The following ARHGEF39 variants were observed in gnomAD, a reference collection of about 807,000 sequenced individuals.
ARHGEF39 encodes the protein Rho guanine nucleotide exchange factor (GEF) 39.
Under a neutral mutation model 47.5 loss-of-function variants are expected in ARHGEF39, and 45 were observed. That is an observed-to-expected ratio of 0.95 (90% confidence interval 0.75 to 1.22). ARHGEF39 has a LOEUF of 1.22. Ranked by LOEUF, ARHGEF39 falls within the 50% of genes most tolerant of loss-of-function variation. The pLI is 0.00. For missense variants in ARHGEF39, 411 were observed against 425.3 expected (o/e 0.97, Z 0.30); for synonymous variants, 164 against 167.8 (o/e 0.98, Z 0.17).
chr9:35,660,278 G>C lies in ARHGEF39; in HGVS notation c.*1709C>G, dbSNP rs560960553. 8 of 793,464 alleles carry C rather than the reference G, an allele frequency of 1.0e-5. No individual in the cohort carries two copies. The highest frequency in any genetic ancestry group is 1.4e-5 in the Non-Finnish European group (7 of 487,884). The allele number at this position is 793,464 out of a possible 1,614,324, so 49.2% of individuals were successfully genotyped here. ...AGATAGACTAGGATTGTGATTCTCT[G>C]AGGTAAAAACCCAATCACTGTCTCC... On this transcript the variant is annotated 3_prime_UTR_variant, in exon 9 of 9. Transcript: ENST00000378387.
rs1394596132 is a variant in ARHGEF39, at chr9:35,659,619, G to A, written c.*2368C>T. The stretch of plus-strand genomic sequence containing the variant: ...TTGCTTTAAGAGCACTACGTGTTCA[G>A]GAAACAACCAGAGAAAACCACCGTC... On this transcript the variant is annotated 3_prime_UTR_variant, in exon 9 of 9. Transcript: ENST00000378387. 2.6e-5 allele frequency: 4 copies of A among 152,160 alleles called. No individual in the cohort carries two copies. Among genetic ancestry groups the A allele is most frequent in the African/African-American group, 9.7e-5 (4 of 41,406 alleles). The allele number at this position is 152,160 out of a possible 1,614,324, so 9.4% of individuals were successfully genotyped here.
In ARHGEF39 at chr9:35,661,691, A is replaced by C. The variant is rs556562071; in HGVS notation, c.*296T>G. 13 of 419,626 alleles carry C rather than the reference A, an allele frequency of 3.1e-5. No homozygotes were observed. Among genetic ancestry groups the C allele is most frequent in the Non-Finnish European group, 5.0e-5 (12 of 238,104 alleles). The allele number at this position is 419,626 out of a possible 1,614,324, so 26.0% of individuals were successfully genotyped here. A position where few individuals can be genotyped will look rare whatever the true frequency, so the allele number is the denominator to read the frequency against. On this transcript the variant is annotated 3_prime_UTR_variant, in exon 9 of 9. Coordinates refer to ENST00000378387, the MANE Select transcript of ARHGEF39 (RefSeq NM_032818.3). ...AAATTTCTTAATTATTTTTTCTTAA[A>C]TAGAGACAGGGTCTCACTCACTGTG... is the stretch of plus-strand genomic sequence containing the variant.
chr9:35,661,978 A>AT lies in ARHGEF39; in HGVS notation c.*8_*9insA. On this transcript the variant is annotated 3_prime_UTR_variant, in exon 9 of 9. Coordinates refer to ENST00000378387, the MANE Select transcript of ARHGEF39 (RefSeq NM_032818.3). ...AGGTATCCTGAGTTCTGGAATCTAT[A>AT]AGATTCCTCTAGTTTTTCTGGCTGC... 1 of 1,613,488 alleles carries AT rather than the reference A, an allele frequency of 6.2e-7. No individual in the cohort carries two copies. The highest frequency in any genetic ancestry group is 1.3e-5 in the African/African-American group (1 of 75,032).
chr9:35,661,641 G>A lies in ARHGEF39; in HGVS notation c.*346C>T, dbSNP rs978524011. 17 of 424,282 alleles carry A rather than the reference G, an allele frequency of 4.0e-5. No homozygotes were observed. In the Admixed American group the frequency reaches 6.6e-4, roughly 17 times the overall value. 26.3% of individuals were successfully genotyped at this position (424,282 alleles called of 1,614,324 possible). A position where few individuals can be genotyped will look rare whatever the true frequency, so the allele number is the denominator to read the frequency against. ...TTGAGGTTTAGTTGGGTTGGACTTG[G>A]TTTCCTGATTCTTCTTTTTTAATAA... is the stretch of plus-strand genomic sequence containing the variant. On this transcript the variant is annotated 3_prime_UTR_variant, in exon 9 of 9. Transcript: ENST00000378387.
chr9:35,661,544 A>G lies in ARHGEF39; in HGVS notation c.*443T>C. The G allele has an allele frequency of 2.3e-6, 1 of 442,510 alleles. No homozygotes were observed. The highest frequency in any genetic ancestry group is 4.0e-6 in the Non-Finnish European group (1 of 252,546). The allele number at this position is 442,510 out of a possible 1,614,324, so 27.4% of individuals were successfully genotyped here. ...ATTTACAAAGCTGCAGCCTTGATAA[A>G]TGACGGGCCATGGACACAGCACAGA... On this transcript the variant is annotated 3_prime_UTR_variant, in exon 9 of 9. Transcript: ENST00000378387.
In ARHGEF39 at chr9:35,664,238, TC is replaced by T. The variant is rs2131826034; in HGVS notation, c.355-113del. On this transcript the variant is annotated intron_variant, in intron 3 of 8. Coordinates refer to ENST00000378387, the MANE Select transcript of ARHGEF39 (RefSeq NM_032818.3). ...TAAGCTGTGCTCCTGAGAGAAACTC[TC>T]GTTTCTCTACAAGGAACTTACCACA... The T allele has an allele frequency of 3.3e-6, 5 of 1,493,504 alleles. No individual in the cohort carries two copies. The South Asian group carries it at 4.9e-5, about 15-fold the overall frequency. The allele number at this position is 1,493,504 out of a possible 1,614,324, so 92.5% of individuals were successfully genotyped here. A position where few individuals can be genotyped will look rare whatever the true frequency, so the allele number is the denominator to read the frequency against.
chr9:35,660,276 C>T lies in ARHGEF39; in HGVS notation c.*1711G>A, dbSNP rs1233566042. The T allele has an allele frequency of 2.6e-6, 2 of 780,916 alleles. No individual in the cohort carries two copies. The highest frequency in any genetic ancestry group is 5.1e-5 in the East Asian group (2 of 39,002). 48.4% of individuals were successfully genotyped at this position (780,916 alleles called of 1,614,324 possible). ...CTAGATAGACTAGGATTGTGATTCT[C>T]TGAGGTAAAAACCCAATCACTGTCT... On this transcript the variant is annotated 3_prime_UTR_variant, in exon 9 of 9. Transcript: ENST00000378387.
At chr9:35,662,299 C>A in intron 7 of ARHGEF39, 32 bp from the exon 8 acceptor site, 1 of 1,590,258 alleles carries the variant, frequency 6.3e-7, no homozygotes, top group South Asian at 1.1e-5. Flanking sequence ...GCGCATGGCT[C>A]AGAAAGGTCC....
In ARHGEF39 at chr9:35,660,841, T is replaced by C. The variant is rs1425589796; in HGVS notation, c.*1146A>G. 1 of 1,614,142 alleles carries C rather than the reference T, an allele frequency of 6.2e-7. No individual in the cohort carries two copies. The highest frequency in any genetic ancestry group is 1.3e-5 in the African/African-American group (1 of 75,038). On this transcript the variant is annotated 3_prime_UTR_variant, in exon 9 of 9. Coordinates refer to ENST00000378387, the MANE Select transcript of ARHGEF39 (RefSeq NM_032818.3). ...CAAGATAGCAAGCCGGACAAGGATA[T>C]GGAGGCTTCAGAACCAGGTGAAGGC...
rs772275577 is a variant in ARHGEF39 at position 35,661,227 on chromosome 9, T to A, written c.*760A>T. 3 of 1,432,160 alleles carry A rather than the reference T, an allele frequency of 2.1e-6. No homozygotes were observed. The highest frequency in any genetic ancestry group is 2.9e-6 in the Non-Finnish European group (3 of 1,042,620). 88.7% of individuals were successfully genotyped at this position (1,432,160 alleles called of 1,614,324 possible). A position where few individuals can be genotyped will look rare whatever the true frequency, so the allele number is the denominator to read the frequency against. Reference sequence around the variant, plus strand: ...GTGTTTTTTCGATCCTAGTTGGTTGTACACACCCATACTAGGTGCCTAAGG... The same window carrying A: ...GTGTTTTTTCGATCCTAGTTGGTTGAACACACCCATACTAGGTGCCTAAGG... On this transcript the variant is annotated 3_prime_UTR_variant, in exon 9 of 9. Transcript: ENST00000378387.
intron 8 of ARHGEF39, 42 bp downstream of exon 8, chr9:35,662,137 G>A (rs542783733): frequency 3.1e-6 from 5 of 1,603,634 alleles, no homozygotes; most frequent in East Asian, 4.5e-5. Context: ...CCTGCTTGTG[G>A]GCCTCATCAC....
rs1823855409 is a variant in ARHGEF39, at chr9:35,660,409, T to G, written c.*1578A>C. On this transcript the variant is annotated 3_prime_UTR_variant, in exon 9 of 9. Transcript: ENST00000378387. The stretch of plus-strand genomic sequence containing the variant: ...TCCTTCTTCCACAACAGGGGAAAGA[T>G]GAAACTGCGGTTCTCCACGAGGAGG... The G allele has an allele frequency of 6.2e-7, 1 of 1,602,952 alleles. No individual in the cohort carries two copies.
chr9:35,663,369 A>C lies in ARHGEF39; in HGVS notation c.497T>G (p.Leu166Trp), dbSNP rs779239248. Residue 166 changes from leucine to tryptophan, a missense_variant, in exon 5 of 9, where the codon TTG (leucine) becomes TGG (tryptophan). Physicochemically the swap from Leu to Trp is moderately conservative, Grantham distance 61. Transcript: ENST00000378387. ...LQQYENLVVA[L>W]AENTGPNSPD... ...GCTGTTGGGACCTGTGTTTTCAGCCAAAGCTACGACGAGATTCTCATACCT... is the reference window on the plus strand; with the variant it reads ...GCTGTTGGGACCTGTGTTTTCAGCCCAAGCTACGACGAGATTCTCATACCT... 1.2e-6 allele frequency: 2 copies of C among 1,613,916 alleles called. No individual in the cohort carries two copies. Among genetic ancestry groups the C allele is most frequent in the South Asian group, 2.2e-5 (2 of 91,058 alleles).
In ARHGEF39 at chr9:35,660,175, G is replaced by A. The variant is rs1489713931; in HGVS notation, c.*1812C>T. 1.1e-5 allele frequency: 5 copies of A among 470,890 alleles called. No homozygotes were observed. The highest frequency in any genetic ancestry group is 4.0e-5 in the Admixed American group (1 of 25,248). 29.2% of individuals were successfully genotyped at this position (470,890 alleles called of 1,614,324 possible). A position where few individuals can be genotyped will look rare whatever the true frequency, so the allele number is the denominator to read the frequency against. ...AGCTTTTTTCAAACCGGAGGGAGTT[G>A]CTCATTCCTGGAGGTGTTTCAGCAA... On this transcript the variant is annotated 3_prime_UTR_variant, in exon 9 of 9. Transcript: ENST00000378387.
In ARHGEF39 at chr9:35,662,503, A is replaced by G. The variant is rs761661305; in HGVS notation, c.903+9T>C. On this transcript the variant is annotated intron_variant, in intron 7 of 8. Coordinates refer to ENST00000378387, the MANE Select transcript of ARHGEF39 (RefSeq NM_032818.3). ...TATTTTGGGTCTAGGGTTCCCACCT[A>G]TTACTTACACTGAGCAACCCACCAC... The G allele has an allele frequency of 4.4e-6, 7 of 1,609,060 alleles. No homozygotes were observed. In the East Asian group the frequency reaches 6.7e-5, roughly 15 times the overall value.
Position 35,660,172 on chromosome 9 carries a change from G to A in ARHGEF39, c.*1815C>T. The A allele has an allele frequency of 2.1e-6, 1 of 466,348 alleles. No individual in the cohort carries two copies. The highest frequency in any genetic ancestry group is 3.8e-6 in the Non-Finnish European group (1 of 263,050). 28.9% of individuals were successfully genotyped at this position (466,348 alleles called of 1,614,324 possible). A position where few individuals can be genotyped will look rare whatever the true frequency, so the allele number is the denominator to read the frequency against. On this transcript the variant is annotated 3_prime_UTR_variant, in exon 9 of 9. Transcript: ENST00000378387. ...CAGAGCTTTTTTCAAACCGGAGGGA[G>A]TTGCTCATTCCTGGAGGTGTTTCAG...
In ARHGEF39 at chr9:35,661,751, T is replaced by C; in HGVS notation, c.*236A>G. The C allele has an allele frequency of 4.0e-6, 2 of 499,364 alleles. No individual in the cohort carries two copies. Among genetic ancestry groups the C allele is most frequent in the South Asian group, 4.2e-5 (1 of 23,808 alleles). 30.9% of individuals were successfully genotyped at this position (499,364 alleles called of 1,614,324 possible). A position where few individuals can be genotyped will look rare whatever the true frequency, so the allele number is the denominator to read the frequency against. On this transcript the variant is annotated 3_prime_UTR_variant, in exon 9 of 9. Transcript: ENST00000378387. ...CTGGTCTTGAACTCCTGGGCTGGAATGATCCTGCCACCTCTGCTTCCCAAA... is the reference window on the plus strand; with the variant it reads ...CTGGTCTTGAACTCCTGGGCTGGAACGATCCTGCCACCTCTGCTTCCCAAA...
rs1018877615 is a variant in ARHGEF39 at position 35,660,552 on chromosome 9, C to T, written c.*1435G>A. 2 of 1,613,882 alleles carry T rather than the reference C, an allele frequency of 1.2e-6. No individual in the cohort carries two copies. Among genetic ancestry groups the T allele is most frequent in the Non-Finnish European group, 1.7e-6 (2 of 1,179,936 alleles). The stretch of plus-strand genomic sequence containing the variant: ...CTTCTGCCCCCTTTTTTCCCTTATC[C>T]CCAGAGCAACAGCTGGCCCAGTTGA... On this transcript the variant is annotated 3_prime_UTR_variant, in exon 9 of 9. Coordinates refer to ENST00000378387, the MANE Select transcript of ARHGEF39 (RefSeq NM_032818.3).
rs45567235 is a variant in ARHGEF39, at chr9:35,665,156, C to A, written c.14G>T (p.Cys5Phe). ...TTGCACCGGGCACCGCGAACCGGGG[C>A]AGGAGAGCTCCATGCCCTGGCTGAG... Reference protein sequence around the residue: MELSCPGSRCPVQEQ... With the variant: MELSFPGSRCPVQEQ... The change falls in exon 1 of 9, where the codon TGC becomes TTC. Residue 5 changes from cysteine (C) to phenylalanine (F), a missense_variant. Physicochemically the swap from Cys to Phe is radical, Grantham distance 205. Transcript: ENST00000378387. 0.098 allele frequency: 148,935 copies of A among 1,522,538 alleles called. 7,825 individuals are homozygous for A. The highest frequency in any genetic ancestry group is 0.11 in the Non-Finnish European group (121,435 of 1,131,430). 94.3% of individuals were successfully genotyped at this position (1,522,538 alleles called of 1,614,324 possible). A position where few individuals can be genotyped will look rare whatever the true frequency, so the allele number is the denominator to read the frequency against.
Sources: gnomAD v4.1 joint callset for allele counts on GRCh38, gnomAD v4.1.1 for gene constraint, MANE v1.5 for transcripts, NCBI Gene and HGNC (gene_info 2026-07-23, HGNC 2026-07-21) for gene names.